Variants in CDH23 observed in about 807,000 individuals in gnomAD.
CDH23 encodes cadherin related 23, also known as cadherin-23.
CDH23 carries 189 observed loss-of-function variants against 317.1 expected under a neutral mutation model. The observed-to-expected ratio is 0.60, with a 90% CI of 0.53 to 0.67. The LOEUF is 0.67. Among genes scored for constraint, CDH23 ranks in the 30% least tolerant of loss-of-function variants. CDH23 has a pLI of 0.00. For synonymous variants in CDH23, 1,839 were observed against 1,876.8 expected, an observed-to-expected ratio of 0.98 and a Z score of 0.52; for missense variants, 4,401 against 4,592.4, an observed-to-expected ratio of 0.96 and a Z score of 1.20.
intron 9 of CDH23, among the ~76,000 whole-genome samples, chr10:71,603,612 C>CGG (rs563908468): frequency 3.3e-5 from 5 of 151,502 alleles, no homozygotes; most frequent in African/African-American, 1.2e-4. Flanking sequence ...AAGCAGGCAG[C>CGG]AGGGGGGGCC....
intron 3 of CDH23, among the ~76,000 whole-genome samples, chr10:71,502,522 A>C (rs940243787): frequency 6.6e-6 from 1 of 152,204 alleles, no homozygotes; most frequent in Non-Finnish European, 1.5e-5. Flanking sequence ...CAGAATATCA[A>C]CTTCTACCTT....
At chr10:71,794,900 T>G (rs1841359099) in intron 48 of CDH23, among the ~76,000 whole-genome samples, 1 of 152,184 alleles carries the variant, frequency 6.6e-6, no homozygotes, top group Non-Finnish European at 1.5e-5. Flanking sequence ...CATGCAGGTA[T>G]CCATTTCTGG....
At chr10:71,531,641 G>T (rs1855380057) in intron 6 of CDH23, among the ~76,000 whole-genome samples, 1 of 152,096 alleles carries the variant, frequency 6.6e-6, no homozygotes, top group African/African-American at 2.4e-5. Context: ...GCTGGGTAGG[G>T]AGGGGGAGCT....
chr10:71,798,226 T>A (rs1053347277), intron 49 of CDH23, 128 bp from the exon 50 acceptor site: 1 of 691,264 alleles, frequency 1.4e-6, no homozygotes, highest in South Asian at 1.7e-5. Context: ...GTCAGGTCAA[T>A]CCTCAGGCAG....
At chr10:71,678,664 T>C (rs1180067885) in intron 16 of CDH23, among the ~76,000 whole-genome samples, 8 of 152,180 alleles carry the variant, frequency 5.3e-5, no homozygotes, top group African/African-American at 1.7e-4. Context: ...GCTCCAGGTG[T>C]ACCCGGAGTG....
At chr10:71,511,296 G>C in intron 6 of CDH23, 84 bp downstream of exon 6, 1 of 1,264,256 alleles carries the variant, frequency 7.9e-7, no homozygotes, top group Non-Finnish European at 1.2e-6. Flanking sequence ...GAGTCAGGTG[G>C]GGAGAGCAGC....
intron 1 of CDH23, among the ~76,000 whole-genome samples, chr10:71,398,985 C>G (rs1847662866): frequency 6.6e-6 from 1 of 152,200 alleles, no homozygotes; most frequent in South Asian, 2.1e-4. Context: ...CAGCTGGGCT[C>G]CTCACGTCTG....
chr10:71,430,513 T>C (rs1384038752), intron 1 of CDH23, among the ~76,000 whole-genome samples: 1 of 152,114 alleles, frequency 6.6e-6, no homozygotes, highest in African/African-American at 2.4e-5. Context: ...AAGCAAAAGA[T>C]TAAGAACAGC....
intron 42 of CDH23, 89 bp downstream of exon 42, chr10:71,784,509 A>G: frequency 2.6e-6 from 4 of 1,521,976 alleles, no homozygotes; most frequent in Middle Eastern, 2.0e-4. Flanking sequence ...CCCTTGTGCC[A>G]AGAGAGGCCA....
Position 71,677,621 on chromosome 10 carries a change from C to T in CDH23, c.1680C>T (p.Thr560=), listed in dbSNP as rs780822052. Residue 560 remains threonine, a synonymous_variant, in exon 16 of 70, where the codon ACC becomes ACT. Coordinates refer to ENST00000224721, the MANE Select transcript of CDH23 (RefSeq NM_022124.6). ...NVLDVNDNVP[T]FQKDAYVGAL... ...TGGATGTCAACGACAACGTGCCCAC[C>T]TTCCAGAAGGATGCCTACGTGGGTG... The T allele has an allele frequency of 2.0e-5, 32 of 1,600,758 alleles. No homozygotes were observed. Among genetic ancestry groups the T allele is most frequent in the Non-Finnish European group, 2.7e-5 (32 of 1,174,114 alleles).
intron 8 of CDH23, among the ~76,000 whole-genome samples, chr10:71,574,624 C>T (rs544558404): frequency 7.7e-4 from 117 of 152,258 alleles, no homozygotes; most frequent in African/African-American, 2.8e-3. Context: ...GGGGGTGTCC[C>T]GGCTGAGCTT....
chr10:71,703,916 A>T (rs1865683464), intron 24 of CDH23, among the ~76,000 whole-genome samples: 1 of 152,226 alleles, frequency 6.6e-6, no homozygotes, highest in Non-Finnish European at 1.5e-5. Flanking sequence ...GAGTTCATAG[A>T]GGAAGGAGCG....
chr10:71,649,361 G>A (rs1021852542), intron 14 of CDH23, among the ~76,000 whole-genome samples: 6 of 152,230 alleles, frequency 3.9e-5, no homozygotes, highest in African/African-American at 1.4e-4. Flanking sequence ...AAAAAATTAT[G>A]AAGAAAAGGA....
intron 9 of CDH23, among the ~76,000 whole-genome samples, chr10:71,584,573 T>TGC (rs1247403383): frequency 2.0e-5 from 3 of 149,992 alleles, no homozygotes; most frequent in African/African-American, 7.3e-5. Flanking sequence ...TGTGTGTGTG[T>TGC]GTACGCAGGG....
intron 28 of CDH23, among the ~76,000 whole-genome samples, chr10:71,720,584 G>C (rs1270099668): frequency 6.6e-6 from 1 of 152,190 alleles, no homozygotes; most frequent in Non-Finnish European, 1.5e-5. Context: ...CTCAAGACAG[G>C]AGTCATGGCC....
At chr10:71,476,796 C>T (rs80009523) in intron 3 of CDH23, among the ~76,000 whole-genome samples, 3,587 of 152,272 alleles carry the variant, frequency 0.024, 113 homozygotes, top group South Asian at 0.13. Flanking sequence ...CCCCCTTTGG[C>T]GTGCTGGCTT....
At chr10:71,418,222 A>G (rs940394831) in intron 1 of CDH23, among the ~76,000 whole-genome samples, 1 of 152,114 alleles carries the variant, frequency 6.6e-6, no homozygotes, top group African/African-American at 2.4e-5. Flanking sequence ...ATAGCTAGTA[A>G]TGTTTTAATG....
At chr10:71,785,808 C>A in intron 44 of CDH23, 70 bp downstream of exon 44, 1 of 928,054 alleles carries the variant, frequency 1.1e-6, no homozygotes, top group South Asian at 1.4e-5. Flanking sequence ...CACATCACCC[C>A]TCCTGCAGGC....
At chr10:71,630,631 A>G (rs889081169) in intron 11 of CDH23, among the ~76,000 whole-genome samples, 3 of 152,252 alleles carry the variant, frequency 2.0e-5, no homozygotes, top group Non-Finnish European at 4.4e-5. Flanking sequence ...TCCGTAGGTT[A>G]GCTTCCAGCG....
Sources: gnomAD v4.1 joint callset for allele counts (sites outside exome capture counted in the v4.1 genomes callset) on GRCh38, gnomAD v4.1.1 for gene constraint, MANE v1.5 for transcripts, NCBI Gene and HGNC (gene_info 2026-07-23, HGNC 2026-07-21) for gene names.